GNA14: variants seen among roughly 807,000 people sequenced by gnomAD.
GNA14 encodes the protein guanine nucleotide-binding protein subunit alpha-14.
Under a neutral mutation model 42.0 loss-of-function variants are expected in GNA14, and 50 were observed. The ratio of observed to expected loss-of-function variants is 1.19; its 90% confidence interval spans 0.95 to 1.51. The LOEUF (loss-of-function observed/expected upper bound fraction) is 1.51. GNA14 is among the 40% of genes most tolerant of loss of function. The pLI is 0.00. For synonymous variants in GNA14, 173 were observed against 163.1 expected, an observed-to-expected ratio of 1.06 and a Z score of -0.46; for missense variants, 473 against 446.2, an observed-to-expected ratio of 1.06 and a Z score of -0.54.
intron 2 of GNA14, among the ~76,000 whole-genome samples, chr9:77,504,259 ATC>A (rs1837023667): frequency 6.6e-6 from 1 of 151,832 alleles, no homozygotes; most frequent in Admixed American, 6.6e-5. Flanking sequence ...TATAAACGCG[ATC>A]TTTTTTTCTA....
chr9:77,602,014 G>C (rs904507082), intron 1 of GNA14, among the ~76,000 whole-genome samples: 3 of 152,140 alleles, frequency 2.0e-5, no homozygotes, highest in Non-Finnish European at 4.4e-5. Context: ...TTGATTCTGA[G>C]CATTTTTCAA....
chr9:77,498,373 C>CAAAAAAAAAAAAAAAAA (rs766816001), intron 2 of GNA14, among the ~76,000 whole-genome samples: 56 of 54,060 alleles, frequency 1.0e-3, no homozygotes, highest in East Asian at 1.7e-3. Context: ...AAGTCTGTCT[C>CAAAAAAAAAAAAAAAAA]AAAAAAAAAA....
At chr9:77,637,573 T>G (rs1025986382) in intron 1 of GNA14, among the ~76,000 whole-genome samples, 2 of 152,236 alleles carry the variant, frequency 1.3e-5, no homozygotes, top group Non-Finnish European at 2.9e-5. Flanking sequence ...TTAAAGTTGT[T>G]GAGCTGGGTG....
chr9:77,602,791 G>A (rs888353618), intron 1 of GNA14, among the ~76,000 whole-genome samples: 2 of 152,080 alleles, frequency 1.3e-5, no homozygotes, highest in Non-Finnish European at 2.9e-5. Flanking sequence ...ATGGGCATGT[G>A]ATCTGTGCAA....
chr9:77,600,289 T>G (rs1356997473), intron 1 of GNA14, among the ~76,000 whole-genome samples: 1 of 152,240 alleles, frequency 6.6e-6, no homozygotes, highest in Non-Finnish European at 1.5e-5. Flanking sequence ...AAACCAGCTA[T>G]TTTTAAAGAC....
chr9:77,646,916 A>G (rs943933307), intron 1 of GNA14, among the ~76,000 whole-genome samples: 11 of 152,214 alleles, frequency 7.2e-5, no homozygotes, highest in African/African-American at 2.4e-4. Context: ...CTGGATGAAG[A>G]CCTGCCAGAG....
At chr9:77,575,721 T>C (rs1248497048) in intron 1 of GNA14, among the ~76,000 whole-genome samples, 1 of 152,202 alleles carries the variant, frequency 6.6e-6, no homozygotes, top group East Asian at 1.9e-4. Context: ...TCCTACAAAT[T>C]ACCATTTTCT....
chr9:77,621,995 A>G (rs1194451034), intron 1 of GNA14, among the ~76,000 whole-genome samples: 1 of 152,146 alleles, frequency 6.6e-6, no homozygotes, highest in Admixed American at 6.6e-5. Context: ...GCATGATCAT[A>G]GCTCACCGCA....
chr9:77,596,113 G>A (rs148757380), intron 1 of GNA14, among the ~76,000 whole-genome samples: 1 of 151,900 alleles, frequency 6.6e-6, no homozygotes, highest in South Asian at 2.1e-4. Flanking sequence ...AAAAATAAAG[G>A]CCACTTCATA....
At chr9:77,475,966 G>A (rs1836414498) in intron 2 of GNA14, among the ~76,000 whole-genome samples, 1 of 152,184 alleles carries the variant, frequency 6.6e-6, no homozygotes, top group African/African-American at 2.4e-5. Flanking sequence ...GACACAGCAG[G>A]AGCAGGCCTA....
intron 2 of GNA14, among the ~76,000 whole-genome samples, chr9:77,488,646 C>T (rs1836700553): frequency 6.6e-6 from 1 of 152,056 alleles, no homozygotes. Context: ...AGATGGGCAG[C>T]ACTCTGGTTT....
chr9:77,497,984 T>C (rs1836900311), intron 2 of GNA14, among the ~76,000 whole-genome samples: 1 of 152,214 alleles, frequency 6.6e-6, no homozygotes, highest in Admixed American at 6.5e-5. Context: ...AAAATTGAGC[T>C]ATCTAGGGTC....
In GNA14 at chr9:77,425,646, C is replaced by T. The variant is rs1835442038; in HGVS notation, c.793G>A (p.Val265Met). The T allele has an allele frequency of 1.2e-6, 2 of 1,607,682 alleles. No individual in the cohort carries two copies. The highest frequency in any genetic ancestry group is 4.5e-5 in the East Asian group (2 of 44,826). Reference protein sequence around the residue: ...ITYPWFLNSSVILFLNKKDLL... With the variant: ...ITYPWFLNSSMILFLNKKDLL... ...TCCTTCTTGTTCAAGAATAAAATCA[C>T]AGACGAATTCAGAAACCAGGGGTAG... Residue 265 changes from valine (V) to methionine (M), a missense_variant, in exon 6 of 7, where the codon GTG (valine) becomes ATG (methionine). Coordinates refer to ENST00000341700, the MANE Select transcript of GNA14 (RefSeq NM_004297.4).
At chr9:77,443,780 C>T (rs955511113) in intron 2 of GNA14, among the ~76,000 whole-genome samples, 6 of 151,908 alleles carry the variant, frequency 3.9e-5, no homozygotes, top group South Asian at 2.1e-4. Flanking sequence ...TCGAGACCAG[C>T]GTAGGCAAAA....
chr9:77,479,552 C>A (rs537895595), intron 2 of GNA14, among the ~76,000 whole-genome samples: 1 of 152,226 alleles, frequency 6.6e-6, no homozygotes, highest in African/African-American at 2.4e-5. Flanking sequence ...TTATCCAATT[C>A]TTTGAAGAAA....
chr9:77,482,058 T>TA (rs763761884), intron 2 of GNA14, among the ~76,000 whole-genome samples: 6 of 152,222 alleles, frequency 3.9e-5, no homozygotes, highest in Admixed American at 1.3e-4. Context: ...CATTTAAAGT[T>TA]AATACTGTTA....
At chr9:77,426,388 T>G (rs1835453963) in intron 5 of GNA14, among the ~76,000 whole-genome samples, 1 of 151,804 alleles carries the variant, frequency 6.6e-6, no homozygotes, top group African/African-American at 2.4e-5. Flanking sequence ...CACTACAACC[T>G]CCAGCTCCTG....
At chr9:77,486,057 C>G (rs1836655134) in intron 2 of GNA14, among the ~76,000 whole-genome samples, 1 of 152,226 alleles carries the variant, frequency 6.6e-6, no homozygotes, top group Non-Finnish European at 1.5e-5. Context: ...TGACTTCTCT[C>G]TTGCTATGAA....
intron 2 of GNA14, among the ~76,000 whole-genome samples, chr9:77,507,171 G>A (rs1200812933): frequency 6.6e-6 from 1 of 152,176 alleles, no homozygotes; most frequent in African/African-American, 2.4e-5. Context: ...ACATGCCTTT[G>A]CCTCCATCTC....
Sources: gnomAD v4.1 joint callset for allele counts (sites outside exome capture counted in the v4.1 genomes callset) on GRCh38, gnomAD v4.1.1 for gene constraint, MANE v1.5 for transcripts, NCBI Gene and HGNC (gene_info 2026-07-23, HGNC 2026-07-21) for gene names.